MTHFD1L: variants seen among roughly 807,000 people sequenced by gnomAD.
MTHFD1L encodes the protein monofunctional C1-tetrahydrofolate synthase, mitochondrial.
Under a neutral mutation model 119.5 loss-of-function variants are expected in MTHFD1L, and 81 were observed. The observed-to-expected ratio is 0.68, with a 90% CI of 0.57 to 0.82. The LOEUF (loss-of-function observed/expected upper bound fraction) is 0.82. Among genes scored for constraint, MTHFD1L ranks in the 40% least tolerant of loss-of-function variants. The pLI is 0.00. For synonymous variants in MTHFD1L, 430 were observed against 475.2 expected, an observed-to-expected ratio of 0.90 and a Z score of 1.24; for missense variants, 1,125 against 1,253.4, an observed-to-expected ratio of 0.90 and a Z score of 1.55.
At chr6:150,927,446 T>A (rs1293283680) in intron 11 of MTHFD1L, among the ~76,000 whole-genome samples, 1 of 144,360 alleles carries the variant, frequency 6.9e-6, no homozygotes, top group Non-Finnish European at 1.5e-5. Context: ...ATCACTCACA[T>A]CCCAGATTCT....
chr6:151,024,792 A>G (rs549472706), intron 24 of MTHFD1L, among the ~76,000 whole-genome samples: 1 of 152,244 alleles, frequency 6.6e-6, no homozygotes, highest in African/African-American at 2.4e-5. Flanking sequence ...ACATGCCACT[A>G]CACACCATCA....
intron 26 of MTHFD1L, among the ~76,000 whole-genome samples, chr6:151,071,960 G>A (rs914915672): frequency 3.4e-5 from 5 of 147,692 alleles, no homozygotes; most frequent in Admixed American, 7.0e-5. Flanking sequence ...CTCCTGCCTC[G>A]GCCTCCTGAG....
rs754042377 is a variant in MTHFD1L at position 150,936,924 on chromosome 6, G to A, written c.1377G>A (p.Pro459=). The part of the protein sequence containing the change: ...FACLRQPSQG[P]TFGVKGGAAG... Reference sequence around the variant, plus strand: ...GCTTGAGGCAGCCTTCCCAAGGACCGACGTTTGGAGTGAAAGGTACTGTCT... The same window carrying A: ...GCTTGAGGCAGCCTTCCCAAGGACCAACGTTTGGAGTGAAAGGTACTGTCT... Residue 459 remains proline, a synonymous_variant, in exon 12 of 28, where the codon CCG becomes CCA. Transcript: ENST00000367321. The A allele has an allele frequency of 1.4e-5, 22 of 1,614,132 alleles. No individual in the cohort carries two copies. Among genetic ancestry groups the A allele is most frequent in the East Asian group, 4.5e-5 (2 of 44,874 alleles).
At chr6:151,050,803 A>G (rs1239076223) in intron 26 of MTHFD1L, among the ~76,000 whole-genome samples, 1 of 152,122 alleles carries the variant, frequency 6.6e-6, no homozygotes, top group Non-Finnish European at 1.5e-5. Context: ...AGAGGAAAAC[A>G]CGGTTTGAGG....
chr6:150,885,805 G>T, intron 6 of MTHFD1L, 71 bp downstream of exon 6: 2 of 1,236,378 alleles, frequency 1.6e-6, no homozygotes, highest in Non-Finnish European at 2.3e-6. Context: ...ATAAGGATTT[G>T]TTTGGGGAAG....
At chr6:150,983,365 T>A (rs1777816721) in intron 20 of MTHFD1L, among the ~76,000 whole-genome samples, 1 of 152,200 alleles carries the variant, frequency 6.6e-6, no homozygotes, top group South Asian at 2.1e-4. Flanking sequence ...ATCTTAGAAT[T>A]TGTTTGTGTA....
intron 6 of MTHFD1L, among the ~76,000 whole-genome samples, chr6:150,886,225 G>A (rs540073568): frequency 1.1e-4 from 17 of 152,296 alleles, no homozygotes; most frequent in Admixed American, 9.2e-4. Context: ...TTCAGGCCAG[G>A]AGTTCGAGAC....
At chr6:150,910,883 A>G (rs758698424) in intron 8 of MTHFD1L, among the ~76,000 whole-genome samples, 26 of 152,230 alleles carry the variant, frequency 1.7e-4, no homozygotes, top group Non-Finnish European at 3.5e-4. Context: ...AAGAAGTCCA[A>G]TGAAATTCTG....
At chr6:150,996,324 A>G (rs1446959586) in intron 20 of MTHFD1L, among the ~76,000 whole-genome samples, 1 of 152,062 alleles carries the variant, frequency 6.6e-6, no homozygotes, top group African/African-American at 2.4e-5. Flanking sequence ...TTGATCAACC[A>G]TCTGCTCACC....
intron 26 of MTHFD1L, among the ~76,000 whole-genome samples, chr6:151,069,280 T>TCTCTCTCTCTCTCTCTCTCC: frequency 6.8e-6 from 1 of 148,082 alleles, no homozygotes; most frequent in South Asian, 2.2e-4. Context: ...TCTCTCTCTC[T>TCTCTCTCTCTCTCTCTCTCC]CCCTCCCTCT....
chr6:150,876,404 G>A (rs1432219490), intron 2 of MTHFD1L, among the ~76,000 whole-genome samples: 1 of 152,114 alleles, frequency 6.6e-6, no homozygotes, highest in Non-Finnish European at 1.5e-5. Context: ...GCTTTCAGAG[G>A]TCTAGGAGGT....
At chr6:150,914,549 C>T (rs557941799) in intron 8 of MTHFD1L, among the ~76,000 whole-genome samples, 1 of 152,072 alleles carries the variant, frequency 6.6e-6, no homozygotes, top group African/African-American at 2.4e-5. Flanking sequence ...ATCCCAACTA[C>T]TCAGGAGGCT....
intron 24 of MTHFD1L, among the ~76,000 whole-genome samples, chr6:151,018,635 C>A (rs546860146): frequency 6.6e-6 from 1 of 152,226 alleles, no homozygotes; most frequent in East Asian, 1.9e-4. Context: ...CTCTGTTCTT[C>A]AGAGCTAAGT....
intron 1 of MTHFD1L, among the ~76,000 whole-genome samples, chr6:150,874,506 C>T (rs1196735584): frequency 6.6e-6 from 1 of 152,236 alleles, no homozygotes; most frequent in Non-Finnish European, 1.5e-5. Flanking sequence ...CCGTTGATGG[C>T]ATTGGCTGGA....
intron 20 of MTHFD1L, among the ~76,000 whole-genome samples, chr6:151,009,133 A>G (rs920685255): frequency 1.3e-5 from 2 of 151,564 alleles, no homozygotes; most frequent in Non-Finnish European, 2.9e-5. Context: ...AAAAAAAAAA[A>G]AAAAAAAAAG....
intron 1 of MTHFD1L, among the ~76,000 whole-genome samples, chr6:150,875,536 C>T (rs1417530613): frequency 6.6e-6 from 1 of 152,044 alleles, no homozygotes; most frequent in Non-Finnish European, 1.5e-5. Flanking sequence ...AGTGGGTCTC[C>T]AGTGTTTCTG....
chr6:150,978,292 T>A (rs1321793287), intron 20 of MTHFD1L, among the ~76,000 whole-genome samples: 1 of 152,094 alleles, frequency 6.6e-6, no homozygotes, highest in Non-Finnish European at 1.5e-5. Context: ...GGTGCATATC[T>A]CAAAGCCTAG....
At chr6:150,978,312 T>C (rs6941108) in intron 20 of MTHFD1L, among the ~76,000 whole-genome samples, 68,140 of 151,964 alleles carry the variant, frequency 0.45, 17,525 homozygotes, top group African/African-American at 0.67. Flanking sequence ...GCTCTACTTT[T>C]GACGGTAGCT....
intron 26 of MTHFD1L, among the ~76,000 whole-genome samples, chr6:151,046,479 A>ATATATATATATATATG (rs1788076436): frequency 2.3e-4 from 4 of 17,042 alleles, no homozygotes; most frequent in African/African-American, 6.6e-4. Context: ...GTGTATATAT[A>ATATATATATATATATG]TATATATATA....
Sources: gnomAD v4.1 joint callset for allele counts (sites outside exome capture counted in the v4.1 genomes callset) on GRCh38, gnomAD v4.1.1 for gene constraint, MANE v1.5 for transcripts, NCBI Gene and HGNC (gene_info 2026-07-23, HGNC 2026-07-21) for gene names.